SH3BGRL: variants seen among roughly 807,000 people sequenced by gnomAD.
SH3BGRL encodes adapter SH3BGRL.
Under a neutral mutation model 9.8 loss-of-function variants are expected in SH3BGRL, and 7 were observed. The ratio of observed to expected loss-of-function variants is 0.72; its 90% CI spans 0.41 to 1.35. SH3BGRL has a LOEUF of 1.35. Ranked by LOEUF, SH3BGRL falls within the 40% of genes most tolerant of loss-of-function variation. The pLI, the probability that SH3BGRL is intolerant of heterozygous loss-of-function variation, is 0.01. For synonymous variants in SH3BGRL, 36 were observed against 29.1 expected, an observed-to-expected ratio of 1.24 and a Z score of -0.76; for missense variants, 73 against 84.4, an observed-to-expected ratio of 0.86 and a Z score of 0.53.
At chrX:81,291,628 T>G (rs189290102) in intron 3 of SH3BGRL, among the ~76,000 whole-genome samples, 1 of 112,020 alleles carries the variant, frequency 8.9e-6, no homozygotes, top group African/African-American at 3.2e-5. Context: ...TCCAAAGTCT[T>G]AACTCCTTTC....
chrX:81,269,602 G>A (rs1472902728), intron 1 of SH3BGRL, among the ~76,000 whole-genome samples: 1 of 111,736 alleles, frequency 8.9e-6, no homozygotes, highest in South Asian at 3.8e-4. Context: ...AGTCTGATGG[G>A]CTTCCCTTTG....
At chrX:81,251,834 A>G (rs2075711897) in intron 1 of SH3BGRL, among the ~76,000 whole-genome samples, 1 of 112,291 alleles carries the variant, frequency 8.9e-6, no homozygotes. Context: ...TATTTCATAG[A>G]AACATGAACT....
intron 1 of SH3BGRL, among the ~76,000 whole-genome samples, chrX:81,269,585 C>T (rs1440998178): frequency 8.9e-6 from 1 of 111,862 alleles, no homozygotes; most frequent in Non-Finnish European, 1.9e-5. Flanking sequence ...CTGAGAGATC[C>T]ACTGTTAGTC....
chrX:81,285,788 CAT>C (rs1424097192), intron 3 of SH3BGRL, among the ~76,000 whole-genome samples: 1 of 111,235 alleles, frequency 9.0e-6, no homozygotes, highest in African/African-American at 3.3e-5. Flanking sequence ...TTTGTGAAAA[CAT>C]ATATGTAAAT....
At chrX:81,220,549 C>A (rs2075597016) in intron 1 of SH3BGRL, among the ~76,000 whole-genome samples, 1 of 109,214 alleles carries the variant, frequency 9.2e-6, no homozygotes, top group African/African-American at 3.3e-5. Context: ...TTCTTTACAT[C>A]TTTTCAAAAA....
chrX:81,204,762 C>T (rs1219095837), intron 1 of SH3BGRL, among the ~76,000 whole-genome samples: 1 of 111,711 alleles, frequency 9.0e-6, no homozygotes, highest in African/African-American at 3.3e-5. Flanking sequence ...GCGGAGCTTG[C>T]GGTGAGCAGA....
At chrX:81,246,499 G>A (rs545282152) in intron 1 of SH3BGRL, among the ~76,000 whole-genome samples, 1 of 111,573 alleles carries the variant, frequency 9.0e-6, no homozygotes, top group African/African-American at 3.3e-5. Context: ...TGAAAGGAAG[G>A]GGCCCAGATT....
At chrX:81,264,935 G>A (rs1455454084) in intron 1 of SH3BGRL, among the ~76,000 whole-genome samples, 1 of 109,557 alleles carries the variant, frequency 9.1e-6, no homozygotes, top group East Asian at 2.9e-4. Flanking sequence ...AAAAAGAAGT[G>A]GATAAAGTTA....
rs1053938423 is a variant in SH3BGRL at position 81,224,068 on chromosome X, A to G, written c.45+21823A>G. ...TAGTTGATAGTGTTATAAATGAAGA[A>G]AATTACATGACATGGCTAATGTAAT... On this transcript the variant is annotated intron_variant, in intron 1 of 3. Coordinates refer to ENST00000373212, the MANE Select transcript of SH3BGRL (RefSeq NM_003022.3). 2.7e-5 allele frequency among the ~76,000 whole-genome samples: 3 copies of G among 111,902 alleles called. No individual in the cohort carries two copies. In the Admixed American group the frequency reaches 2.8e-4, roughly 11 times the overall value.
intron 1 of SH3BGRL, among the ~76,000 whole-genome samples, chrX:81,209,948 A>G (rs938918794): frequency 3.6e-5 from 4 of 111,841 alleles, no homozygotes; most frequent in Non-Finnish European, 7.5e-5. Context: ...TTATGTGGCT[A>G]TAGACCAACA....
At chrX:81,277,284 C>A in intron 2 of SH3BGRL, 115 bp downstream of exon 2, 1 of 592,286 alleles carries the variant, frequency 1.7e-6, no homozygotes. Flanking sequence ...TGCATATAGT[C>A]ATTTGTCCTT....
intron 1 of SH3BGRL, among the ~76,000 whole-genome samples, chrX:81,231,896 A>T (rs1602602137): frequency 8.9e-6 from 1 of 112,110 alleles, no homozygotes; most frequent in East Asian, 2.8e-4. Context: ...ACTAGCACGT[A>T]GTAGATGCTG....
At chrX:81,209,303 C>T (rs1013586312) in intron 1 of SH3BGRL, among the ~76,000 whole-genome samples, 1 of 111,564 alleles carries the variant, frequency 9.0e-6, no homozygotes, top group African/African-American at 3.3e-5. Flanking sequence ...CCACCATGCT[C>T]AGCTGCTAAG....
At position 81,297,547 on chromosome X, in the gene SH3BGRL, A is replaced by C. The variant is rs1270447325; in HGVS notation, c.*320A>C. 1 of 147,817 alleles carries C rather than the reference A, an allele frequency of 6.8e-6. No individual in the cohort carries two copies. The allele number at this position is 147,817 out of a possible 1,213,427, so 12.2% of individuals were successfully genotyped here. A position where few individuals can be genotyped will look rare whatever the true frequency, so the allele number is the denominator to read the frequency against. On this transcript the variant is annotated 3_prime_UTR_variant, in exon 4 of 4. Coordinates refer to ENST00000373212, the MANE Select transcript of SH3BGRL (RefSeq NM_003022.3). ...ACCCTTCCCTCCTTCTGCCATTACTATGGCAACTTAAGTGTATCTGCAGCT... is the reference window on the plus strand; with the variant it reads ...ACCCTTCCCTCCTTCTGCCATTACTCTGGCAACTTAAGTGTATCTGCAGCT...
Position 81,202,226 on chromosome X carries a change from C to T in SH3BGRL, c.26C>T (p.Ser9Phe). 1.7e-6 allele frequency: 2 copies of T among 1,208,009 alleles called. No individual in the cohort carries two copies. The highest frequency in any genetic ancestry group is 2.2e-6 in the Non-Finnish European group (2 of 893,516). The change falls in exon 1 of 4, where the codon TCT becomes TTT. Residue 9 changes from serine to phenylalanine, a missense_variant. Physicochemically the swap from Ser to Phe is radical, Grantham distance 155. Coordinates refer to ENST00000373212, the MANE Select transcript of SH3BGRL (RefSeq NM_003022.3). Reference protein sequence around the residue: MVIRVYIASSSGSTAIKKK... With the variant: MVIRVYIAFSSGSTAIKKK... Reference sequence around the variant, plus strand: ...ATGGTGATCCGTGTATATATTGCATCTTCCTCTGGCTCTACAGCGGTAAGG... The same window carrying T: ...ATGGTGATCCGTGTATATATTGCATTTTCCTCTGGCTCTACAGCGGTAAGG...
chrX:81,217,721 T>C (rs1273200305), intron 1 of SH3BGRL, among the ~76,000 whole-genome samples: 1 of 111,538 alleles, frequency 9.0e-6, no homozygotes, highest in Non-Finnish European at 1.9e-5. Context: ...AAATGTATAT[T>C]CTGCAGTTGT....
chrX:81,202,386 C>G (rs1464271271), intron 1 of SH3BGRL, 141 bp downstream of exon 1: 4 of 991,373 alleles, frequency 4.0e-6, no homozygotes, highest in Non-Finnish European at 5.1e-6. Context: ...CCTTCTTCTT[C>G]CCTTTTTTCC....
At chrX:81,238,146 C>T (rs945061795) in intron 1 of SH3BGRL, among the ~76,000 whole-genome samples, 2 of 110,226 alleles carry the variant, frequency 1.8e-5, no homozygotes, top group Admixed American at 1.9e-4. Flanking sequence ...GCTTAAGGTA[C>T]CCGCTTGGCT....
chrX:81,282,679 G>A (rs1022168059), intron 3 of SH3BGRL, among the ~76,000 whole-genome samples: 2 of 111,498 alleles, frequency 1.8e-5, no homozygotes, highest in African/African-American at 6.5e-5. Context: ...CAGCAAAGGT[G>A]GTGCTAAGAG....
Sources: gnomAD v4.1 joint callset for allele counts (sites outside exome capture counted in the v4.1 genomes callset) on GRCh38, gnomAD v4.1.1 for gene constraint, MANE v1.5 for transcripts, NCBI Gene and HGNC (gene_info 2026-07-23, HGNC 2026-07-21) for gene names.